Variants in GTF2E1 observed in about 807,000 individuals in gnomAD.
GTF2E1 encodes the protein general transcription factor IIE subunit 1.
Under a neutral mutation model 34.9 loss-of-function variants are expected in GTF2E1, and 14 were observed. The observed-to-expected ratio is 0.40, with a 90% CI of 0.27 to 0.63. The LOEUF is 0.63. Among genes scored for constraint, GTF2E1 ranks in the 20% least tolerant of loss-of-function variants. GTF2E1 has a pLI of 0.39. For missense variants in GTF2E1, 469 were observed against 557.7 expected (o/e 0.84, Z 1.60); for synonymous variants, 188 against 192.9 (o/e 0.97, Z 0.21).
At chr3:120,762,312 G>GT (rs1342432321) in intron 2 of GTF2E1, among the ~76,000 whole-genome samples, 9 of 152,016 alleles carry the variant, frequency 5.9e-5, no homozygotes, top group African/African-American at 2.2e-4. Flanking sequence ...TTGACAATGG[G>GT]GTGTTAAAGT....
intron 2 of GTF2E1, among the ~76,000 whole-genome samples, chr3:120,770,317 G>A (rs562502298): frequency 1.3e-5 from 2 of 152,212 alleles, no homozygotes; most frequent in East Asian, 3.9e-4. Context: ...GAAACTCTTG[G>A]TTTTAGGTAT....
chr3:120,747,509 T>C (rs1576354977), intron 1 of GTF2E1, among the ~76,000 whole-genome samples: 1 of 152,218 alleles, frequency 6.6e-6, no homozygotes, highest in African/African-American at 2.4e-5. Flanking sequence ...TTTGGTTTTT[T>C]GTTCTTGCGA....
intron 1 of GTF2E1, among the ~76,000 whole-genome samples, chr3:120,744,765 C>T (rs895975952): frequency 6.6e-6 from 1 of 152,044 alleles, no homozygotes; most frequent in African/African-American, 2.4e-5. Flanking sequence ...CACTTGAGTC[C>T]GTTCCTCATA....
chr3:120,769,114 T>A (rs1709331494), intron 2 of GTF2E1, among the ~76,000 whole-genome samples: 1 of 152,126 alleles, frequency 6.6e-6, no homozygotes, highest in Non-Finnish European at 1.5e-5. Context: ...ACCCCTCTCT[T>A]GAGCTGAATT....
intron 2 of GTF2E1, among the ~76,000 whole-genome samples, chr3:120,766,890 C>T (rs1238832184): frequency 6.6e-6 from 1 of 152,016 alleles, no homozygotes; most frequent in Non-Finnish European, 1.5e-5. Flanking sequence ...CCACTTGCCC[C>T]TTCTGATTTC....
chr3:120,748,916 T>A (rs187819813), intron 1 of GTF2E1, among the ~76,000 whole-genome samples: 6 of 152,254 alleles, frequency 3.9e-5, no homozygotes, highest in African/African-American at 1.4e-4. Context: ...TTGTATCCTC[T>A]TTAAGTTCAT....
At chr3:120,766,429 A>G (rs1442646501) in intron 2 of GTF2E1, among the ~76,000 whole-genome samples, 1 of 152,140 alleles carries the variant, frequency 6.6e-6, no homozygotes, top group African/African-American at 2.4e-5. Context: ...TTCAAGACCA[A>G]TTTATGGTCA....
At chr3:120,766,861 C>T (rs1473928368) in intron 2 of GTF2E1, among the ~76,000 whole-genome samples, 1 of 152,016 alleles carries the variant, frequency 6.6e-6, no homozygotes, top group Non-Finnish European at 1.5e-5. Flanking sequence ...GCTGGGTTTC[C>T]GTGTCCTCCT....
intron 1 of GTF2E1, among the ~76,000 whole-genome samples, chr3:120,748,493 T>C (rs1425397038): frequency 6.6e-6 from 1 of 152,202 alleles, no homozygotes; most frequent in Non-Finnish European, 1.5e-5. Flanking sequence ...CCCAGCACCA[T>C]TTATTAAATA....
Position 120,750,697 on chromosome 3 carries a change from C to A in GTF2E1, c.145C>A (p.Leu49Met), listed in dbSNP as rs1346701803. Residue 49 changes from leucine (L) to methionine (M), a missense_variant, in exon 2 of 5, where the codon CTG becomes ATG. Leu to Met is a conservative substitution (Grantham distance 15, BLOSUM62 2). Coordinates refer to ENST00000283875, the MANE Select transcript of GTF2E1 (RefSeq NM_005513.3). ...CTCCTGTGTGAAAGAGGAGGATATG[C>A]TGGAGCTGCTCAAGTTTGATCGGAA... The part of the protein sequence containing the change: ...RNSCVKEEDM[L>M]ELLKFDRKQL... 1.2e-6 allele frequency: 2 copies of A among 1,614,032 alleles called. No individual in the cohort carries two copies. Among genetic ancestry groups the A allele is most frequent in the South Asian group, 1.1e-5 (1 of 91,080 alleles).
intron 3 of GTF2E1, among the ~76,000 whole-genome samples, chr3:120,775,785 TAC>T (rs1453308442): frequency 6.6e-6 from 1 of 152,156 alleles, no homozygotes; most frequent in African/African-American, 2.4e-5. Context: ...TGGAGATGGA[TAC>T]AGAGTATCAG....
chr3:120,749,215 T>G (rs1423543258), intron 1 of GTF2E1, among the ~76,000 whole-genome samples: 1 of 151,960 alleles, frequency 6.6e-6, no homozygotes, highest in Non-Finnish European at 1.5e-5. Context: ...ACAATTTGAC[T>G]TCCTCTTTTC....
intron 4 of GTF2E1, among the ~76,000 whole-genome samples, chr3:120,778,443 T>C (rs1709419210): frequency 6.6e-6 from 1 of 152,224 alleles, no homozygotes; most frequent in Non-Finnish European, 1.5e-5. Context: ...TCAAGTCATG[T>C]TGATATCTTT....
intron 4 of GTF2E1, 42 bp downstream of exon 4, chr3:120,776,706 G>A (rs1709404160): frequency 6.4e-7 from 1 of 1,568,714 alleles, no homozygotes. Flanking sequence ...CTTAGGTTCT[G>A]TAGAACATGA....
chr3:120,748,471 C>T (rs1208101523), intron 1 of GTF2E1, among the ~76,000 whole-genome samples: 1 of 152,206 alleles, frequency 6.6e-6, no homozygotes, highest in Non-Finnish European at 1.5e-5. Flanking sequence ...CTCCATGTGG[C>T]TAGCCAGTTT....
At chr3:120,751,724 C>T (rs1222292529) in intron 2 of GTF2E1, among the ~76,000 whole-genome samples, 1 of 152,074 alleles carries the variant, frequency 6.6e-6, no homozygotes, top group Non-Finnish European at 1.5e-5. Flanking sequence ...TATCTGTTTA[C>T]ACAATAAAAA....
At chr3:120,770,193 A>C (rs1427737477) in intron 2 of GTF2E1, among the ~76,000 whole-genome samples, 1 of 152,190 alleles carries the variant, frequency 6.6e-6, no homozygotes, top group Admixed American at 6.6e-5. Context: ...CTAGTGGTGT[A>C]GACTGTTAAG....
Position 120,778,737 on chromosome 3 carries a change from G to A in GTF2E1, c.892+2073G>A, listed in dbSNP as rs75025868. Among the ~76,000 whole-genome samples, 13 of 152,214 alleles carry A rather than the reference G, an allele frequency of 8.5e-5. No homozygotes were observed. In the East Asian group the frequency reaches 2.3e-3, roughly 27 times the overall value. ...ACTTGAGATTTTGTTTGTTGCTTTG[G>A]TTCTGGAAGCATGTTAAGACCAAAA... On this transcript the variant is annotated intron_variant, in intron 4 of 4. Coordinates refer to ENST00000283875, the MANE Select transcript of GTF2E1 (RefSeq NM_005513.3).
intron 2 of GTF2E1, among the ~76,000 whole-genome samples, chr3:120,767,380 C>T (rs893067464): frequency 2.6e-5 from 4 of 152,190 alleles, no homozygotes; most frequent in Non-Finnish European, 5.9e-5. Flanking sequence ...AGCATGTTTA[C>T]ATAGAGTTTA....
Sources: allele counts gnomAD v4.1 joint callset (sites outside exome capture counted in the v4.1 genomes callset), GRCh38; gene constraint gnomAD v4.1.1; transcripts MANE v1.5; gene names NCBI Gene and HGNC (gene_info 2026-07-23, HGNC 2026-07-21).